PARP12: variants seen among roughly 807,000 people sequenced by gnomAD.
PARP12 encodes protein mono-ADP-ribosyltransferase PARP12.
In PARP12, 59 loss-of-function variants were observed where a neutral mutation model predicts 72.4. The ratio of observed to expected loss-of-function variants is 0.81; its 90% confidence interval spans 0.66 to 1.01. The LOEUF (loss-of-function observed/expected upper bound fraction) is 1.01. Among genes scored for constraint, PARP12 ranks in the 50% least tolerant of loss-of-function variants. The pLI, the probability that PARP12 is intolerant of heterozygous loss-of-function variation, is 0.00. For missense variants in PARP12, 851 were observed against 914.0 expected (o/e 0.93, Z 0.89); for synonymous variants, 403 against 371.4 (o/e 1.09, Z -0.98).
intron 10 of PARP12, among the ~76,000 whole-genome samples, chr7:140,026,651 C>A (rs548413641): frequency 6.6e-6 from 1 of 152,144 alleles, no homozygotes; most frequent in African/African-American, 2.4e-5. Flanking sequence ...CAACCCCACC[C>A]CCACCTTGCT....
chr7:140,035,603 G>C (rs1435191664), intron 7 of PARP12, among the ~76,000 whole-genome samples: 1 of 152,166 alleles, frequency 6.6e-6, no homozygotes, highest in African/African-American at 2.4e-5. Context: ...TGCCTTGAGT[G>C]AATCATTTAT....
At chr7:140,045,834 GTGTC>G (rs990363467) in intron 5 of PARP12, among the ~76,000 whole-genome samples, 19 of 152,214 alleles carry the variant, frequency 1.2e-4, no homozygotes, top group Admixed American at 1.2e-3. Context: ...CTGCCGGGAA[GTGTC>G]TGACCTTGTA....
intron 7 of PARP12, among the ~76,000 whole-genome samples, chr7:140,035,927 AAG>A (rs1816145900): frequency 1.1e-4 from 4 of 38,064 alleles, no homozygotes; most frequent in Admixed American, 6.5e-4. Flanking sequence ...GGAGGAGGAC[AAG>A]GAGGAGGAGG....
chr7:140,043,291 A>G (rs1272915436), intron 5 of PARP12, among the ~76,000 whole-genome samples: 1 of 152,244 alleles, frequency 6.6e-6, no homozygotes, highest in Non-Finnish European at 1.5e-5. Flanking sequence ...GCAAAAGTTA[A>G]CAAAAACAAA....
intron 1 of PARP12, among the ~76,000 whole-genome samples, chr7:140,059,081 G>A (rs566399027): frequency 6.6e-6 from 1 of 150,914 alleles, no homozygotes; most frequent in Admixed American, 6.6e-5. Flanking sequence ...GGCAACAGGA[G>A]CGAGACTCTG....
In PARP12 at chr7:140,023,825, A is replaced by C. The variant is rs1359589379; in HGVS notation, c.*735T>G. 1.3e-5 allele frequency: 2 copies of C among 153,476 alleles called. No homozygotes were observed. The highest frequency in any genetic ancestry group is 2.9e-5 in the Non-Finnish European group (2 of 68,652). The allele number at this position is 153,476 out of a possible 1,614,324, so 9.5% of individuals were successfully genotyped here. On this transcript the variant is annotated 3_prime_UTR_variant, in exon 12 of 12. Transcript: ENST00000263549. ...AAGTATTCAATCTCACAGGGATGTT[A>C]AAACCCACACTCGAAGGGTGTCCAG...
chr7:140,037,667 G>C lies in PARP12; in HGVS notation c.1324+48C>G, dbSNP rs376754032. ...CCTCCAGGGTTAAGGTGTAGGGACA[G>C]AGCCAACACAGGCAGGCTCTGCTGG... On this transcript the variant is annotated intron_variant, in intron 7 of 11. Transcript: ENST00000263549. 50 of 1,605,492 alleles carry C rather than the reference G, an allele frequency of 3.1e-5. 1 individual carries two copies. The highest frequency in any genetic ancestry group is 1.0e-4 in the Admixed American group (6 of 59,762).
At position 140,025,035 on chromosome 7, in the gene PARP12, C is replaced by T; in HGVS notation, c.1781-150G>A. 5 of 698,802 alleles carry T rather than the reference C, an allele frequency of 7.2e-6. No individual in the cohort carries two copies. In the South Asian group the frequency reaches 7.2e-5, roughly 10 times the overall value. 43.3% of individuals were successfully genotyped at this position (698,802 alleles called of 1,614,324 possible). A position where few individuals can be genotyped will look rare whatever the true frequency, so the allele number is the denominator to read the frequency against. Reference sequence around the variant, plus strand: ...TCCCTCCCTCTGTGCCATGTCTCCACTCTCCCTCATGAAGTCACATGCATC... The same window carrying T: ...TCCCTCCCTCTGTGCCATGTCTCCATTCTCCCTCATGAAGTCACATGCATC... On this transcript the variant is annotated intron_variant, in intron 11 of 11. Coordinates refer to ENST00000263549, the MANE Select transcript of PARP12 (RefSeq NM_022750.4).
intron 8 of PARP12, among the ~76,000 whole-genome samples, chr7:140,031,356 G>C (rs1815932100): frequency 6.6e-6 from 1 of 152,132 alleles, no homozygotes; most frequent in South Asian, 2.1e-4. Flanking sequence ...CTGGGTGACA[G>C]AGTGAGACCC....
chr7:140,054,909 C>A, intron 3 of PARP12, 146 bp from the exon 4 acceptor site: 2 of 635,370 alleles, frequency 3.1e-6, no homozygotes, highest in Non-Finnish European at 5.4e-6. Flanking sequence ...TGCTCCTACA[C>A]AGGTGGATCC....
chr7:140,027,149 A>T, intron 10 of PARP12, 127 bp downstream of exon 10: 1 of 1,286,138 alleles, frequency 7.8e-7, no homozygotes, highest in East Asian at 2.4e-5. Context: ...GCAGACACAC[A>T]GCTCCCAGCA....
Position 140,026,217 on chromosome 7 carries a change from T to C in PARP12, c.1760A>G (p.His587Arg), listed in dbSNP as rs1815731275. Residue 587 changes from histidine (H) to arginine (R), a missense_variant, in exon 11 of 12, where the codon CAT becomes CGT. Transcript: ENST00000263549. Reference protein sequence around the residue: ...QNFDWRVCGVHGTSYGKGSYF... With the variant: ...QNFDWRVCGVRGTSYGKGSYF... ...CTTACCCTTGCCGTAGGAAGTGCCA[T>C]GAACACCACAGACCCGCCAGTCAAA... The C allele has an allele frequency of 1.2e-6, 2 of 1,614,078 alleles. No homozygotes were observed. The highest frequency in any genetic ancestry group is 8.5e-7 in the Non-Finnish European group (1 of 1,180,028).
At chr7:140,057,539 C>G (rs528477449) in intron 2 of PARP12, 11 of 359,012 alleles carry the variant, frequency 3.1e-5, no homozygotes, top group African/African-American at 2.1e-4. Context: ...TTTCTCTGAG[C>G]TCTCTTTTCT....
At chr7:140,033,247 A>C in intron 8 of PARP12, 1 of 985,456 alleles carries the variant, frequency 1.0e-6, no homozygotes, top group Non-Finnish European at 1.2e-6. Context: ...CCAGGAAATT[A>C]CTTTGCTAGG....
At chr7:140,054,204 A>G (rs1335657977) in intron 4 of PARP12, among the ~76,000 whole-genome samples, 5 of 152,174 alleles carry the variant, frequency 3.3e-5, no homozygotes, top group African/African-American at 1.2e-4. Context: ...TCACTGGATC[A>G]ATACAGAAAA....
chr7:140,053,839 T>A (rs1019541280), intron 4 of PARP12, among the ~76,000 whole-genome samples: 1 of 152,170 alleles, frequency 6.6e-6, no homozygotes, highest in Non-Finnish European at 1.5e-5. Flanking sequence ...GATTGAATAA[T>A]AACATTATCA....
intron 1 of PARP12, among the ~76,000 whole-genome samples, chr7:140,060,740 TCCCTGCTCTC>T (rs5887949): frequency 0.29 from 44,229 of 151,776 alleles, 7,337 homozygotes; most frequent in East Asian, 0.56. Context: ...GGGCTGTTGT[TCCCTGCTCTC>T]CCCTGGACTG....
chr7:140,062,709 C>T lies in PARP12; in HGVS notation c.139G>A (p.Gly47Arg), dbSNP rs1025327715. The change falls in exon 1 of 12, where the codon GGG becomes AGG. Residue 47 changes from glycine (G) to arginine (R), a missense_variant. This residue lies in a region of PARP12 where 492 missense variants were observed against 489.3 expected (regional missense o/e 1.01). Transcript: ENST00000263549. ...GCCCGCACCGCCACCACGAAGCGCC[C>T]ACGCTGCCGCAGCAGCCGCTCCAGC... Reference protein sequence around the residue: ...DALERLLRQRGRFVVAVRAGG... With the variant: ...DALERLLRQRRRFVVAVRAGG... The T allele has an allele frequency of 6.0e-6, 8 of 1,332,534 alleles. No individual in the cohort carries two copies. In the African/African-American group the frequency reaches 1.1e-4, roughly 18 times the overall value. The allele number at this position is 1,332,534 out of a possible 1,614,324, so 82.5% of individuals were successfully genotyped here.
chr7:140,056,358 T>C (rs1006472888), intron 3 of PARP12, among the ~76,000 whole-genome samples: 6 of 152,202 alleles, frequency 3.9e-5, no homozygotes, highest in Non-Finnish European at 8.8e-5. Context: ...AAATTTACAA[T>C]GGCTCAAAAA....
Sources: allele counts gnomAD v4.1 joint callset (sites outside exome capture counted in the v4.1 genomes callset), GRCh38; gene constraint gnomAD v4.1.1; regional missense constraint gnomAD v4.1.1; transcripts MANE v1.5; gene names NCBI Gene and HGNC (gene_info 2026-07-23, HGNC 2026-07-21).